Variants in SNX30 observed in about 807,000 individuals in gnomAD.
The protein encoded by SNX30 is sorting nexin family member 30, also known as sorting nexin-30.
A neutral mutation model predicts 46.4 loss-of-function variants in SNX30; 24 were observed. That is an observed-to-expected ratio of 0.52 (90% CI 0.37 to 0.73). The LOEUF (loss-of-function observed/expected upper bound fraction) is 0.73. Ranked by LOEUF, SNX30 falls within the 30% of genes least tolerant of loss-of-function variation. SNX30 has a pLI of 0.00. For synonymous variants in SNX30, 189 were observed against 211.5 expected (o/e 0.89, Z 0.92); for missense variants, 533 against 555.7 (o/e 0.96, Z 0.41).
intron 4 of SNX30, among the ~76,000 whole-genome samples, chr9:112,832,277 A>G (rs1840671036): frequency 6.6e-6 from 1 of 152,092 alleles, no homozygotes; most frequent in Non-Finnish European, 1.5e-5. Context: ...AGTAGAATAC[A>G]TCCTATTCTC....
At chr9:112,859,335 C>A (rs1340222219) in intron 7 of SNX30, among the ~76,000 whole-genome samples, 2 of 152,092 alleles carry the variant, frequency 1.3e-5, no homozygotes, top group African/African-American at 2.4e-5. Context: ...CATATACATA[C>A]CACATTTTGT....
chr9:112,834,272 G>A (rs1331017347), intron 4 of SNX30, among the ~76,000 whole-genome samples: 5 of 152,068 alleles, frequency 3.3e-5, no homozygotes, highest in African/African-American at 1.2e-4. Flanking sequence ...AGATCCCACA[G>A]GTTGAGGACT....
At chr9:112,884,730 G>A (rs1224265108), downstream of SNX30, among the ~76,000 whole-genome samples, 1 of 152,166 alleles carries the variant, frequency 6.6e-6, no homozygotes, top group Non-Finnish European at 1.5e-5. Context: ...CGCTCAATCA[G>A]TTGCTTACTT....
intron 1 of SNX30, among the ~76,000 whole-genome samples, chr9:112,784,798 C>G (rs550694433): frequency 6.6e-6 from 1 of 152,332 alleles, no homozygotes; most frequent in Admixed American, 6.5e-5. Flanking sequence ...CAGGTCAAAC[C>G]TCCCTCTCTG....
chr9:112,825,602 C>A (rs1266964244), intron 3 of SNX30, among the ~76,000 whole-genome samples: 2 of 151,938 alleles, frequency 1.3e-5, no homozygotes, highest in Non-Finnish European at 2.9e-5. Context: ...TTCCCCCAAT[C>A]GATTTTTTAA....
At chr9:112,764,619 A>G (rs1043964353) in intron 1 of SNX30, among the ~76,000 whole-genome samples, 5 of 152,070 alleles carry the variant, frequency 3.3e-5, no homozygotes, top group Non-Finnish European at 5.9e-5. Context: ...CTGATCAAGA[A>G]CTAGCTGGGA....
At chr9:112,817,401 C>CTTTTTGTTTTTTTTTT (rs1840414635) in intron 2 of SNX30, among the ~76,000 whole-genome samples, 1 of 46,832 alleles carries the variant, frequency 2.1e-5, no homozygotes, top group Non-Finnish European at 3.4e-5. Flanking sequence ...AAAAAACTGG[C>CTTTTTGTTTTTTTTTT]TTTTTTTTTT....
chr9:112,846,211 G>C (rs943457130), intron 6 of SNX30, among the ~76,000 whole-genome samples: 1 of 152,160 alleles, frequency 6.6e-6, no homozygotes, highest in Non-Finnish European at 1.5e-5. Context: ...ACAGAGAAAT[G>C]GGAAGCATCA....
At chr9:112,783,813 A>C (rs575006886) in intron 1 of SNX30, among the ~76,000 whole-genome samples, 35 of 152,156 alleles carry the variant, frequency 2.3e-4, no homozygotes, top group Non-Finnish European at 4.3e-4. Context: ...AGTGGAAAAA[A>C]CGGTTTGAAT....
At chr9:112,860,808 G>A (rs112264057) in intron 7 of SNX30, among the ~76,000 whole-genome samples, 3 of 152,306 alleles carry the variant, frequency 2.0e-5, no homozygotes, top group Middle Eastern at 6.8e-3. Flanking sequence ...AATAAAGCTT[G>A]AGGAGCTGTG....
chr9:112,769,200 A>G (rs1053484256), intron 1 of SNX30, among the ~76,000 whole-genome samples: 1 of 152,232 alleles, frequency 6.6e-6, no homozygotes, highest in Admixed American at 6.5e-5. Flanking sequence ...TGTCCTGCGG[A>G]TAAACTAGCA....
chr9:112,750,209 C>G (rs935824307), upstream of SNX30, among the ~76,000 whole-genome samples: 1 of 152,238 alleles, frequency 6.6e-6, no homozygotes, highest in Non-Finnish European at 1.5e-5. Context: ...AGAAGCAAGC[C>G]ACAATGGGGA....
intron 7 of SNX30, among the ~76,000 whole-genome samples, chr9:112,851,190 C>CA (rs1841019652): frequency 1.3e-5 from 2 of 152,194 alleles, no homozygotes; most frequent in Non-Finnish European, 2.9e-5. Flanking sequence ...ACAGCTCTGC[C>CA]ATTCATCGGC....
chr9:112,770,330 C>T (rs1436571984), intron 1 of SNX30, among the ~76,000 whole-genome samples: 1 of 151,854 alleles, frequency 6.6e-6, no homozygotes, highest in Non-Finnish European at 1.5e-5. Context: ...TGCCACCACA[C>T]CCGACTAATT....
At chr9:112,811,714 G>A (rs1222409594) in intron 2 of SNX30, among the ~76,000 whole-genome samples, 7 of 152,078 alleles carry the variant, frequency 4.6e-5, no homozygotes, top group African/African-American at 7.2e-5. Flanking sequence ...ATGTGCGCCC[G>A]TGACCTTGTG....
chr9:112,770,723 C>T (rs957159180), intron 1 of SNX30, among the ~76,000 whole-genome samples: 22 of 151,858 alleles, frequency 1.4e-4, no homozygotes, highest in Non-Finnish European at 2.9e-4. Context: ...CCTGGCCGGG[C>T]GCGGTGGCTC....
chr9:112,808,358 A>G (rs758324136), intron 2 of SNX30, among the ~76,000 whole-genome samples: 9 of 152,374 alleles, frequency 5.9e-5, no homozygotes, highest in Non-Finnish European at 8.8e-5. Flanking sequence ...CTGAGCTAAA[A>G]TAAGTGAAGG....
chr9:112,855,542 T>C (rs10115576), intron 7 of SNX30, among the ~76,000 whole-genome samples: 132,038 of 152,134 alleles, frequency 0.87, 57,582 homozygotes, highest in South Asian at 0.91. Flanking sequence ...CCTCATGTCT[T>C]CACAACCTTC....
At chr9:112,809,873 T>G (rs1179844486) in intron 2 of SNX30, among the ~76,000 whole-genome samples, 5 of 151,954 alleles carry the variant, frequency 3.3e-5, no homozygotes, top group Admixed American at 2.0e-4. Flanking sequence ...GGAGGCTTTT[T>G]TTTTTGGACT....
Sources: gnomAD v4.1 joint callset for allele counts (sites outside exome capture counted in the v4.1 genomes callset) on GRCh38, gnomAD v4.1.1 for gene constraint, MANE v1.5 for transcripts, NCBI Gene and HGNC (gene_info 2026-07-23, HGNC 2026-07-21) for gene names.